The following GABRR2 variants were observed in gnomAD, a reference collection of about 807,000 sequenced individuals.
GABRR2 encodes the protein gamma-aminobutyric acid receptor subunit rho-2.
In GABRR2, 36 loss-of-function variants were observed where a neutral mutation model predicts 47.0. That is an observed-to-expected ratio of 0.77 (90% CI 0.59 to 1.01). GABRR2 has a LOEUF of 1.01. Among genes scored for constraint, GABRR2 ranks in the 50% least tolerant of loss-of-function variants. The probability of loss-of-function intolerance (pLI) is 0.00; values close to 1 mark genes in which losing one functional copy is unlikely to be tolerated. For missense variants in GABRR2, 587 were observed against 594.6 expected (o/e 0.99, Z 0.13); for synonymous variants, 204 against 227.5 (o/e 0.90, Z 0.93).
At chr6:89,265,058 C>T (rs1021995885) in intron 7 of GABRR2, among the ~76,000 whole-genome samples, 16 of 152,274 alleles carry the variant, frequency 1.1e-4, no homozygotes, top group South Asian at 2.1e-4. Context: ...GATTCTTCTT[C>T]ACTCTGTCTT....
intron 8 of GABRR2, among the ~76,000 whole-genome samples, chr6:89,259,072 G>A (rs77077411): frequency 0.013 from 1,982 of 151,936 alleles, 21 homozygotes; most frequent in Non-Finnish European, 0.019. Context: ...GGGAGGAAAG[G>A]AAATGGTTTC....
chr6:89,290,187 A>G (rs962705605), intron 2 of GABRR2, among the ~76,000 whole-genome samples: 3 of 152,230 alleles, frequency 2.0e-5, no homozygotes, highest in Admixed American at 2.0e-4. Context: ...ATCAGCCCAG[A>G]ATGGCTCAGT....
intron 2 of GABRR2, among the ~76,000 whole-genome samples, chr6:89,283,947 A>G (rs762047772): frequency 6.6e-6 from 1 of 152,222 alleles, no homozygotes; most frequent in Non-Finnish European, 1.5e-5. Context: ...GAGTAGCACC[A>G]TAATTACAGC....
At chr6:89,280,251 T>TATAC (rs1774236240) in intron 2 of GABRR2, among the ~76,000 whole-genome samples, 5 of 102,986 alleles carry the variant, frequency 4.9e-5, no homozygotes, top group African/African-American at 1.0e-4. Context: ...TATATATATA[T>TATAC]ATACATACAT....
chr6:89,307,329 A>G (rs532055365), intron 1 of GABRR2, among the ~76,000 whole-genome samples: 3 of 152,276 alleles, frequency 2.0e-5, no homozygotes, highest in Admixed American at 2.0e-4. Flanking sequence ...TAGATCTTGG[A>G]ATACCTTAAT....
intron 1 of GABRR2, chr6:89,301,998 T>C: frequency 1.4e-6 from 1 of 730,502 alleles, no homozygotes; most frequent in South Asian, 1.5e-5. Context: ...CCCGGGACCA[T>C]GGACAGTGTC....
At chr6:89,303,536 G>A (rs1460314831) in intron 1 of GABRR2, among the ~76,000 whole-genome samples, 1 of 150,954 alleles carries the variant, frequency 6.6e-6, no homozygotes, top group Non-Finnish European at 1.5e-5. Flanking sequence ...TAGATTCAAT[G>A]CTATTTCTAT....
chr6:89,274,002 A>G (rs1290453601), intron 2 of GABRR2, among the ~76,000 whole-genome samples: 2 of 152,222 alleles, frequency 1.3e-5, no homozygotes, highest in Non-Finnish European at 2.9e-5. Context: ...TTTTCAGATA[A>G]CATGCACAGT....
At chr6:89,302,159 G>A (rs1368239592) in intron 1 of GABRR2, 10 of 575,302 alleles carry the variant, frequency 1.7e-5, no homozygotes, top group Non-Finnish European at 3.4e-5. Context: ...TGAGAACTGC[G>A]ACGGTCTGTA....
In GABRR2 at chr6:89,254,955, A is replaced by G. The variant is rs1773572156; in HGVS notation, c.*2715T>C. Reference sequence around the variant, plus strand: ...GTTTAACATAGAAGCTAGCAAAAATAAATATTTGTTTTAATTTGTGAACAG... The same window carrying G: ...GTTTAACATAGAAGCTAGCAAAAATGAATATTTGTTTTAATTTGTGAACAG... On this transcript the variant is annotated 3_prime_UTR_variant, in exon 9 of 9. Coordinates refer to ENST00000402938, the MANE Select transcript of GABRR2 (RefSeq NM_002043.5). 6.6e-6 allele frequency among the ~76,000 whole-genome samples: 1 copy of G among 152,226 alleles called. No individual in the cohort carries two copies. The highest frequency in any genetic ancestry group is 2.4e-5 in the African/African-American group (1 of 41,456).
intron 1 of GABRR2, among the ~76,000 whole-genome samples, chr6:89,307,664 T>C (rs751339117): frequency 3.9e-5 from 6 of 152,232 alleles, no homozygotes; most frequent in South Asian, 2.1e-4. Flanking sequence ...CTAACTCACC[T>C]GCTGAAGAAA....
Position 89,269,418 on chromosome 6 carries a change from C to T in GABRR2, c.289-184G>A, listed in dbSNP as rs938819535. 5.0e-6 allele frequency: 3 copies of T among 594,144 alleles called. No homozygotes were observed. The African/African-American group carries it at 5.6e-5, about 11-fold the overall frequency. The allele number at this position is 594,144 out of a possible 1,614,324, so 36.8% of individuals were successfully genotyped here. A position where few individuals can be genotyped will look rare whatever the true frequency, so the allele number is the denominator to read the frequency against. On this transcript the variant is annotated intron_variant, in intron 3 of 8. Coordinates refer to ENST00000402938, the MANE Select transcript of GABRR2 (RefSeq NM_002043.5). ...GGAAAGAGAATAGCTCATTTTTATG[C>T]ATCATGCGCTTGGAGCCCAGGAGAC...
chr6:89,266,999 CTTT>C (rs71024360), intron 6 of GABRR2, among the ~76,000 whole-genome samples: 1 of 125,878 alleles, frequency 7.9e-6, no homozygotes. Context: ...TTCTTTTCTT[CTTT>C]TTTTTTTTTT....
At chr6:89,281,911 G>A (rs577887789) in intron 2 of GABRR2, among the ~76,000 whole-genome samples, 9 of 152,216 alleles carry the variant, frequency 5.9e-5, no homozygotes, top group African/African-American at 2.2e-4. Context: ...ATGTTGGTCT[G>A]CTGTCCATCT....
chr6:89,289,692 G>C (rs1562376749), intron 2 of GABRR2, among the ~76,000 whole-genome samples: 1 of 152,120 alleles, frequency 6.6e-6, no homozygotes, highest in Non-Finnish European at 1.5e-5. Flanking sequence ...GAAGGGGAAG[G>C]GGAAGGGTGA....
At chr6:89,281,738 T>C (rs1382394268) in intron 2 of GABRR2, among the ~76,000 whole-genome samples, 1 of 152,102 alleles carries the variant, frequency 6.6e-6, no homozygotes, top group Non-Finnish European at 1.5e-5. Context: ...AGGGGGCCCT[T>C]GAATCCTTGC....
At chr6:89,303,853 G>T (rs1336725318) in intron 1 of GABRR2, among the ~76,000 whole-genome samples, 2 of 152,108 alleles carry the variant, frequency 1.3e-5, no homozygotes, top group African/African-American at 4.8e-5. Context: ...AAGCAATAAG[G>T]CAAGGACTCT....
At chr6:89,303,211 C>A in intron 1 of GABRR2, 1 of 374,362 alleles carries the variant, frequency 2.7e-6, no homozygotes, top group Admixed American at 3.7e-5. Flanking sequence ...CTGTCCCCAG[C>A]TTTCCCCCAC....
At chr6:89,258,645 C>T (rs1773666242) in intron 8 of GABRR2, among the ~76,000 whole-genome samples, 2 of 149,866 alleles carry the variant, frequency 1.3e-5, no homozygotes, top group South Asian at 2.1e-4. Context: ...CACTTGAGCT[C>T]AAGAGGTCAA....
Sources: allele counts gnomAD v4.1 joint callset (sites outside exome capture counted in the v4.1 genomes callset), GRCh38; gene constraint gnomAD v4.1.1; transcripts MANE v1.5; gene names NCBI Gene and HGNC (gene_info 2026-07-23, HGNC 2026-07-21).